The following PDLIM5 variants were observed in gnomAD, a reference collection of about 807,000 sequenced individuals.
The protein encoded by PDLIM5 is PDZ and LIM domain protein 5.
Under a neutral mutation model 64.2 loss-of-function variants are expected in PDLIM5, and 34 were observed. That is an observed-to-expected ratio of 0.53 (90% CI 0.40 to 0.71). The LOEUF (loss-of-function observed/expected upper bound fraction) is 0.71. PDLIM5 is among the 30% of genes least tolerant of loss of function. The pLI is 0.00. For synonymous variants in PDLIM5, 253 were observed against 269.1 expected (o/e 0.94, Z 0.59); for missense variants, 683 against 733.6 (o/e 0.93, Z 0.80).
chr4:94,564,678 CAG>C, intron 3 of PDLIM5, among the ~76,000 whole-genome samples: 1 of 28,890 alleles, frequency 3.5e-5, no homozygotes, highest in African/African-American at 2.9e-4. Context: ...TTTTTTTTGA[CAG>C]AGTCTTGCTT....
chr4:94,545,352 T>C (rs1223922026), intron 3 of PDLIM5, among the ~76,000 whole-genome samples: 1 of 152,228 alleles, frequency 6.6e-6, no homozygotes, highest in Non-Finnish European at 1.5e-5. Context: ...AATATCTTTT[T>C]AGAAGCCCAA....
intron 7 of PDLIM5, among the ~76,000 whole-genome samples, chr4:94,595,531 T>C (rs1737004545): frequency 6.6e-6 from 1 of 152,254 alleles, no homozygotes; most frequent in African/African-American, 2.4e-5. Flanking sequence ...ATGTTACTTC[T>C]TAAGGAGAAA....
At chr4:94,536,186 C>A (rs577355405) in intron 3 of PDLIM5, among the ~76,000 whole-genome samples, 44 of 151,966 alleles carry the variant, frequency 2.9e-4, no homozygotes, top group African/African-American at 1.0e-3. Context: ...GAGACACTCG[C>A]AGGAAGGGAG....
chr4:94,458,589 A>G (rs1038996690), intron 2 of PDLIM5, among the ~76,000 whole-genome samples: 5 of 152,124 alleles, frequency 3.3e-5, no homozygotes, highest in Non-Finnish European at 7.4e-5. Context: ...AAAACTGTGC[A>G]ATTTTTCCTC....
intron 2 of PDLIM5, among the ~76,000 whole-genome samples, chr4:94,519,251 C>A (rs1729627012): frequency 1.3e-5 from 2 of 152,160 alleles, no homozygotes. Context: ...CCCTGTATGA[C>A]CTTGAAGTAG....
At chr4:94,517,130 C>T (rs537669295) in intron 2 of PDLIM5, among the ~76,000 whole-genome samples, 10 of 152,260 alleles carry the variant, frequency 6.6e-5, no homozygotes, top group African/African-American at 1.7e-4. Flanking sequence ...CTCAGTTGCT[C>T]GTAAAAACTT....
intron 3 of PDLIM5, among the ~76,000 whole-genome samples, chr4:94,553,919 T>TA (rs1560698160): frequency 1.3e-5 from 2 of 152,322 alleles, no homozygotes; most frequent in Non-Finnish European, 2.9e-5. Flanking sequence ...AATACATTTT[T>TA]AAAAAATCTC....
At chr4:94,499,591 T>C (rs137880376) in intron 2 of PDLIM5, among the ~76,000 whole-genome samples, 1 of 152,360 alleles carries the variant, frequency 6.6e-6, no homozygotes, top group East Asian at 1.9e-4. Flanking sequence ...ATTTAAAGTA[T>C]ATAGGCAGAT....
At chr4:94,495,523 G>A (rs1459258580) in intron 2 of PDLIM5, among the ~76,000 whole-genome samples, 9 of 152,062 alleles carry the variant, frequency 5.9e-5, no homozygotes, top group Admixed American at 1.3e-4. Flanking sequence ...AAAAAAAAAG[G>A]TTTGGCCGCT....
chr4:94,645,155 T>C (rs1053654667), intron 9 of PDLIM5, among the ~76,000 whole-genome samples: 7 of 152,204 alleles, frequency 4.6e-5, no homozygotes, highest in African/African-American at 1.7e-4. Flanking sequence ...TACTTATGAG[T>C]GAGAACATAC....
chr4:94,654,688 A>G (rs767736820), intron 10 of PDLIM5, 48 bp downstream of exon 10: 7 of 1,233,176 alleles, frequency 5.7e-6, no homozygotes, highest in Middle Eastern at 2.1e-4. Context: ...AAAGTAGAAT[A>G]ATTTTTTGAT....
At chr4:94,641,682 A>C (rs1459741407) in intron 9 of PDLIM5, among the ~76,000 whole-genome samples, 1 of 152,234 alleles carries the variant, frequency 6.6e-6, no homozygotes, top group Non-Finnish European at 1.5e-5. Context: ...GAATCCTAAT[A>C]CAGTATTTTG....
At chr4:94,576,066 A>G (rs1735225205) in intron 5 of PDLIM5, 32 bp downstream of exon 5, 1 of 1,553,958 alleles carries the variant, frequency 6.4e-7, no homozygotes, top group Non-Finnish European at 8.8e-7. Flanking sequence ...TGCTCTTACT[A>G]AAACTCTTCT....
At chr4:94,595,614 A>G (rs1445280485) in intron 7 of PDLIM5, among the ~76,000 whole-genome samples, 1 of 152,234 alleles carries the variant, frequency 6.6e-6, no homozygotes, top group Non-Finnish European at 1.5e-5. Context: ...CTGTTTTGTA[A>G]GTTTTTTTAA....
chr4:94,599,107 A>G (rs114945164), intron 7 of PDLIM5, among the ~76,000 whole-genome samples: 1,555 of 152,294 alleles, frequency 0.01, 26 homozygotes, highest in African/African-American at 0.034. Context: ...GAGAGGCCCA[A>G]TATAGGACTG....
At chr4:94,492,182 A>G (rs1726939311) in intron 2 of PDLIM5, among the ~76,000 whole-genome samples, 2 of 144,188 alleles carry the variant, frequency 1.4e-5, no homozygotes, top group South Asian at 2.1e-4. Flanking sequence ...ATTTAAATTT[A>G]TGAAGCAGGA....
intron 2 of PDLIM5, among the ~76,000 whole-genome samples, chr4:94,495,432 C>G (rs1211459625): frequency 1.3e-5 from 2 of 151,710 alleles, no homozygotes; most frequent in Admixed American, 1.3e-4. Flanking sequence ...TCTTAAGTTG[C>G]AGTAACTGTC....
intron 2 of PDLIM5, among the ~76,000 whole-genome samples, chr4:94,501,656 G>T (rs886347344): frequency 2.6e-5 from 4 of 152,162 alleles, no homozygotes; most frequent in African/African-American, 9.7e-5. Flanking sequence ...GCCTGAAACA[G>T]ATTGGAGACT....
chr4:94,640,638 CGGA>C (rs1740932660), intron 9 of PDLIM5, among the ~76,000 whole-genome samples, 188 bp downstream of exon 9: 1 of 151,234 alleles, frequency 6.6e-6, no homozygotes. Context: ...AAAGGTAATA[CGGA>C]GGTCTGTGAA....
Sources: allele counts gnomAD v4.1 joint callset (sites outside exome capture counted in the v4.1 genomes callset), GRCh38; gene constraint gnomAD v4.1.1; transcripts MANE v1.5; gene names NCBI Gene and HGNC (gene_info 2026-07-23, HGNC 2026-07-21).